The following NLGN1 variants were observed in gnomAD, a reference collection of about 807,000 sequenced individuals.
The protein encoded by NLGN1 is neuroligin-1.
Under a neutral mutation model 65.5 loss-of-function variants are expected in NLGN1, and 12 were observed. The observed-to-expected ratio is 0.18, with a 90% confidence interval of 0.12 to 0.30. The LOEUF is 0.30. Among genes scored for constraint, NLGN1 ranks in the 10% least tolerant of loss-of-function variants. The pLI, the probability that NLGN1 is intolerant of heterozygous loss-of-function variation, is 1.00. For missense variants in NLGN1, 750 were observed against 1,007.1 expected (o/e 0.74, Z 3.46); for synonymous variants, 350 against 359.5 (o/e 0.97, Z 0.30).
At chr3:173,785,129 A>C (rs1166082991) in intron 3 of NLGN1, among the ~76,000 whole-genome samples, 1 of 152,214 alleles carries the variant, frequency 6.6e-6, no homozygotes, top group Non-Finnish European at 1.5e-5. Flanking sequence ...TCTGGCTATA[A>C]TAATAGTTCA....
chr3:174,233,992 T>G (rs112786391), intron 4 of NLGN1, among the ~76,000 whole-genome samples: 2,568 of 152,296 alleles, frequency 0.017, 82 homozygotes, highest in African/African-American at 0.059. Context: ...TATGGGCATT[T>G]AAACTTTAGT....
In NLGN1 at chr3:174,129,479, T is replaced by C. The variant is rs1052601832; in HGVS notation, c.647-145836T>C. Among the ~76,000 whole-genome samples the C allele has an allele frequency of 5.9e-5, 9 of 152,106 alleles. No homozygotes were observed. The East Asian group carries it at 1.5e-3, about 26-fold the overall frequency. On this transcript the variant is annotated intron_variant, in intron 4 of 6. Transcript: ENST00000457714. ...AATTTACAATCACAATCTATGTTTA[T>C]TTTTAGGAAAAGCTCAGAATTTTTC... is the stretch of plus-strand genomic sequence containing the variant.
chr3:174,105,945 T>C (rs73042172), intron 4 of NLGN1, among the ~76,000 whole-genome samples: 149 of 152,242 alleles, frequency 9.8e-4, no homozygotes, highest in African/African-American at 3.5e-3. Flanking sequence ...GAGGATCATT[T>C]TTTGACTGAT....
chr3:173,401,368 G>GC (rs944778009), intron 1 of NLGN1, among the ~76,000 whole-genome samples: 12 of 150,266 alleles, frequency 8.0e-5, no homozygotes, highest in Admixed American at 7.3e-4. Context: ...CCCTACCCCT[G>GC]TTTTTTTTTG....
chr3:174,095,631 T>G (rs1448701992), intron 4 of NLGN1, among the ~76,000 whole-genome samples: 1 of 152,050 alleles, frequency 6.6e-6, no homozygotes, highest in Non-Finnish European at 1.5e-5. Flanking sequence ...TGTGTGTATA[T>G]ATGTATGTAT....
At chr3:174,241,415 A>G (rs1742783370) in intron 4 of NLGN1, among the ~76,000 whole-genome samples, 1 of 151,968 alleles carries the variant, frequency 6.6e-6, no homozygotes, top group South Asian at 2.1e-4. Flanking sequence ...TGGATGCCCA[A>G]TTAGGTGTGT....
chr3:173,442,161 C>T (rs1026445705), intron 2 of NLGN1, among the ~76,000 whole-genome samples: 5 of 152,148 alleles, frequency 3.3e-5, no homozygotes, highest in Non-Finnish European at 7.4e-5. Flanking sequence ...AAATCTGTTA[C>T]GCAGTTTTCA....
chr3:174,107,013 C>CAGAGAGAGAG (rs1459688744), intron 4 of NLGN1, among the ~76,000 whole-genome samples: 6 of 100,576 alleles, frequency 6.0e-5, no homozygotes, highest in Admixed American at 3.8e-4. Flanking sequence ...CACACACACA[C>CAGAGAGAGAG]ACACAGAGAG....
chr3:173,805,916 A>T (rs1163917586), intron 3 of NLGN1, among the ~76,000 whole-genome samples: 1 of 152,182 alleles, frequency 6.6e-6, no homozygotes, highest in East Asian at 1.9e-4. Flanking sequence ...AAGCCCCCAG[A>T]TCTTTATAAA....
chr3:174,002,749 G>GA (rs552018383), intron 4 of NLGN1, among the ~76,000 whole-genome samples: 1,762 of 151,136 alleles, frequency 0.012, 31 homozygotes, highest in African/African-American at 0.04. Flanking sequence ...CCCCCTGGGG[G>GA]AAAAAAAAAT....
chr3:174,060,438 G>GC (rs74514175), intron 4 of NLGN1, among the ~76,000 whole-genome samples: 4 of 152,134 alleles, frequency 2.6e-5, no homozygotes, highest in South Asian at 2.1e-4. Flanking sequence ...CAGAACATAT[G>GC]CCCCCCTTTA....
At chr3:173,414,226 CAG>C (rs1310843915) in intron 1 of NLGN1, among the ~76,000 whole-genome samples, 2 of 152,056 alleles carry the variant, frequency 1.3e-5, no homozygotes, top group African/African-American at 2.4e-5. Context: ...TTAACAGAAA[CAG>C]AGAGGATGCT....
intron 3 of NLGN1, among the ~76,000 whole-genome samples, chr3:173,686,983 C>A (rs1764783168): frequency 1.3e-5 from 2 of 151,920 alleles, no homozygotes; most frequent in South Asian, 4.2e-4. Flanking sequence ...TACTTGTGAA[C>A]CTCTTTTGAA....
chr3:173,658,504 A>G (rs1168825808), intron 3 of NLGN1, among the ~76,000 whole-genome samples: 1 of 152,032 alleles, frequency 6.6e-6, no homozygotes, highest in Non-Finnish European at 1.5e-5. Context: ...TTGAAGTTTT[A>G]TGACTACTGT....
At chr3:173,991,804 T>TG (rs1721179173) in intron 4 of NLGN1, among the ~76,000 whole-genome samples, 1 of 151,990 alleles carries the variant, frequency 6.6e-6, no homozygotes, top group South Asian at 2.1e-4. Context: ...GTTTTTTTGT[T>TG]GTTGTTGTTG....
intron 4 of NLGN1, among the ~76,000 whole-genome samples, chr3:173,901,372 T>C (rs111582820): frequency 3.5e-4 from 48 of 136,130 alleles, no homozygotes; most frequent in African/African-American, 1.2e-3. Context: ...TTTGGGGGGG[T>C]GTGTGTGTGT....
At chr3:173,921,388 GTT>G (rs1741996585) in intron 4 of NLGN1, among the ~76,000 whole-genome samples, 1 of 149,958 alleles carries the variant, frequency 6.7e-6, no homozygotes, top group African/African-American at 2.4e-5. Context: ...TTTTTTCTGT[GTT>G]CAAGTTCAGT....
intron 4 of NLGN1, among the ~76,000 whole-genome samples, chr3:173,851,918 A>G (rs1726999708): frequency 6.6e-6 from 1 of 152,138 alleles, no homozygotes; most frequent in African/African-American, 2.4e-5. Context: ...GTTGTCAAAT[A>G]CAGTCTTGAT....
chr3:173,858,964 T>G (rs1283485299), intron 4 of NLGN1, among the ~76,000 whole-genome samples: 1 of 152,092 alleles, frequency 6.6e-6, no homozygotes, highest in African/African-American at 2.4e-5. Flanking sequence ...AAAATAAAAC[T>G]TTCTAAGCTT....
Sources: gnomAD v4.1 joint callset for allele counts (sites outside exome capture counted in the v4.1 genomes callset) on GRCh38, gnomAD v4.1.1 for gene constraint, MANE v1.5 for transcripts, NCBI Gene and HGNC (gene_info 2026-07-23, HGNC 2026-07-21) for gene names.